ZFR2: variants seen among roughly 807,000 people sequenced by gnomAD.
ZFR2 encodes zinc finger RNA-binding protein 2.
ZFR2 carries 104 observed loss-of-function variants against 105.7 expected under a neutral mutation model. The observed-to-expected ratio is 0.98, with a 90% CI of 0.84 to 1.16. The LOEUF is 1.16. Ranked by LOEUF, ZFR2 falls within the 50% of genes most tolerant of loss-of-function variation. ZFR2 has a pLI of 0.00. For synonymous variants in ZFR2, 634 were observed against 597.7 expected, an observed-to-expected ratio of 1.06 and a Z score of -0.89; for missense variants, 1,425 against 1,355.5, an observed-to-expected ratio of 1.05 and a Z score of -0.80.
At position 3,867,183 on chromosome 19, in the gene ZFR2, T is replaced by C. The variant is rs2038440934; in HGVS notation, c.53+1782A>G. Among the ~76,000 whole-genome samples, 4 of 152,162 alleles carry C rather than the reference T, an allele frequency of 2.6e-5. No individual in the cohort carries two copies. In the Middle Eastern group the frequency reaches 0.014, roughly 518 times the overall value. On this transcript the variant is annotated intron_variant, in intron 1 of 18. Transcript: ENST00000262961. The stretch of plus-strand genomic sequence containing the variant: ...CCTGAGCTCAGCAGAGGCCCCTCTA[T>C]GAGGTGCCCAAGGGGTGGTTTGTAT...
At chr19:3,825,686 C>T (rs1020825678) in intron 6 of ZFR2, among the ~76,000 whole-genome samples, 1 of 152,178 alleles carries the variant, frequency 6.6e-6, no homozygotes, top group Non-Finnish European at 1.5e-5. Flanking sequence ...CACGGACGCT[C>T]TTCCTCCTCC....
chr19:3,816,585 T>A (rs2037826578), intron 13 of ZFR2, 89 bp downstream of exon 13: 1 of 1,477,646 alleles, frequency 6.8e-7, no homozygotes, highest in East Asian at 2.4e-5. Context: ...GTAACAAAGG[T>A]CCCCTGCCAT....
chr19:3,808,780 G>A, intron 17 of ZFR2, 92 bp downstream of exon 17: 2 of 1,078,176 alleles, frequency 1.9e-6, no homozygotes, highest in Non-Finnish European at 2.6e-6. Flanking sequence ...CTTCCTCTGT[G>A]TCTGTGACCC....
chr19:3,806,660 C>T (rs540757215), intron 18 of ZFR2, among the ~76,000 whole-genome samples: 4 of 152,320 alleles, frequency 2.6e-5, no homozygotes, highest in East Asian at 1.9e-4. Context: ...GAGGCCCCCC[C>T]GCTCCACTGA....
Position 3,825,421 on chromosome 19 carries a change from A to C in ZFR2, c.1036-14T>G, listed in dbSNP as rs538619475. 1.9e-6 allele frequency: 3 copies of C among 1,559,324 alleles called. No individual in the cohort carries two copies. Among genetic ancestry groups the C allele is most frequent in the African/African-American group, 2.7e-5 (2 of 73,076 alleles). ...CAGCTTGAAGACCTGCAACAGACAG[A>C]GCCGGGCTCCCGCGTGAGGGCCGCT... On this transcript the variant is annotated splice_polypyrimidine_tract_variant and intron_variant, in intron 6 of 18. Coordinates refer to ENST00000262961, the MANE Select transcript of ZFR2 (RefSeq NM_015174.2).
chr19:3,827,392 G>A, intron 6 of ZFR2, 79 bp downstream of exon 6: 1 of 1,425,950 alleles, frequency 7.0e-7, no homozygotes, highest in Admixed American at 2.9e-5. Flanking sequence ...GATCTCCCCA[G>A]GTACCTCTGT....
intron 1 of ZFR2, among the ~76,000 whole-genome samples, chr19:3,847,276 C>T (rs114476027): frequency 0.025 from 3,732 of 152,312 alleles, 148 homozygotes; most frequent in African/African-American, 0.085. Context: ...GTAATCCCAA[C>T]TACTCGGGAG....
chr19:3,834,810 T>C lies in ZFR2; in HGVS notation c.227A>G (p.Glu76Gly). The part of the protein sequence containing the change: ...QDFAYGSRPQ[E>G]PVPTATTMAT... ...CATGGTGGTGGCCGTGGGGACGGGC[T>C]CCTGGGGTCGGCTGCCGTAGGCGAA... Residue 76 changes from glutamate to glycine, a missense_variant, in exon 2 of 19, where the codon GAG becomes GGG. Physicochemically the swap from Glu to Gly is moderately conservative, Grantham distance 98 (BLOSUM62 -2). Transcript: ENST00000262961. This position sits in a 1 kb window ranked among gnomAD's most constrained non-coding sequence, Gnocchi z 5.3. The C allele has an allele frequency of 6.2e-7, 1 of 1,612,376 alleles. No homozygotes were observed. The highest frequency in any genetic ancestry group is 2.2e-5 in the East Asian group (1 of 44,854).
At chr19:3,821,992 G>T in intron 9 of ZFR2, 89 bp downstream of exon 9, 1 of 1,477,628 alleles carries the variant, frequency 6.8e-7, no homozygotes, top group Non-Finnish European at 9.0e-7. Flanking sequence ...GATCACACGC[G>T]CGGAAGAGGC....
At chr19:3,859,851 A>G (rs1599257426) in intron 1 of ZFR2, among the ~76,000 whole-genome samples, 2 of 152,138 alleles carry the variant, frequency 1.3e-5, no homozygotes, top group African/African-American at 4.8e-5. Context: ...CATCTTACAC[A>G]TTCATACCCG....
intron 1 of ZFR2, among the ~76,000 whole-genome samples, chr19:3,864,227 T>C (rs2038405428): frequency 1.3e-5 from 2 of 151,716 alleles, no homozygotes; most frequent in Admixed American, 6.6e-5. Flanking sequence ...CAAAAATAAA[T>C]ATCGCCAGGC....
intron 5 of ZFR2, among the ~76,000 whole-genome samples, chr19:3,828,207 T>C (rs1382249895): frequency 1.5e-5 from 2 of 137,908 alleles, no homozygotes; most frequent in Non-Finnish European, 1.6e-5. Context: ...TGCAGTGGCG[T>C]GATCTCAGCT....
chr19:3,840,933 C>T (rs187138643), intron 1 of ZFR2, among the ~76,000 whole-genome samples: 85 of 152,212 alleles, frequency 5.6e-4, no homozygotes, highest in African/African-American at 1.8e-3. Context: ...TGGTGGTGAC[C>T]GGGGGCCAGC....
intron 12 of ZFR2, among the ~76,000 whole-genome samples, chr19:3,817,787 G>A (rs2037842774): frequency 6.6e-6 from 1 of 151,010 alleles, no homozygotes; most frequent in African/African-American, 2.4e-5. Context: ...AAAAGGAGAG[G>A]GCAGCTTCCT....
chr19:3,867,305 G>GGGGA (rs1555762884), intron 1 of ZFR2, among the ~76,000 whole-genome samples: 8 of 10,236 alleles, frequency 7.8e-4, no homozygotes, highest in African/African-American at 6.3e-3. Context: ...ATCAACTGTT[G>GGGGA]GGGGGGGAAT....
At position 3,833,659 on chromosome 19, in the gene ZFR2, C is replaced by T. The variant is rs893678092; in HGVS notation, c.379+5G>A. The T allele has an allele frequency of 1.3e-6, 2 of 1,552,274 alleles. No homozygotes were observed. The highest frequency in any genetic ancestry group is 1.7e-6 in the Non-Finnish European group (2 of 1,147,938). On this transcript the variant is annotated splice_donor_5th_base_variant and intron_variant, in intron 3 of 18. Coordinates refer to ENST00000262961, the MANE Select transcript of ZFR2 (RefSeq NM_015174.2). ...TTCCCAGCCCCGACCCTGCAGATGG[C>T]TCACCTGGCTGGCCGGAGTCTGCGG...
rs994495868 is a variant in ZFR2 at position 3,822,313 on chromosome 19, G to C, written c.1372-113C>G. The C allele has an allele frequency of 4.7e-6, 7 of 1,476,420 alleles. 1 individual carries two copies. The highest frequency in any genetic ancestry group is 6.4e-6 in the Non-Finnish European group (7 of 1,098,060). The allele number at this position is 1,476,420 out of a possible 1,614,324, so 91.5% of individuals were successfully genotyped here. ...CCTCCTTGCTGCTCATTTTATTTAT[G>C]TATGTCTTTTTAGAGACAGCGTCTT... On this transcript the variant is annotated intron_variant, in intron 8 of 18. Coordinates refer to ENST00000262961, the MANE Select transcript of ZFR2 (RefSeq NM_015174.2).
In ZFR2 at chr19:3,813,652, G is replaced by A. The variant is rs1268967102; in HGVS notation, c.2242+168C>T. Among the ~76,000 whole-genome samples, 1 of 152,192 alleles carries A rather than the reference G, an allele frequency of 6.6e-6. No individual in the cohort carries two copies. Among genetic ancestry groups the A allele is most frequent in the Non-Finnish European group, 1.5e-5 (1 of 68,036 alleles). The stretch of plus-strand genomic sequence containing the variant: ...GCCGCCTCTGCTGCCCGGAGACCCA[G>A]CTCTTGTGTGACCCATGGAATCCTC... On this transcript the variant is annotated intron_variant, in intron 14 of 18. Coordinates refer to ENST00000262961, the MANE Select transcript of ZFR2 (RefSeq NM_015174.2). This position sits in a 1 kb window ranked among gnomAD's most constrained non-coding sequence, Gnocchi z 4.4.
intron 1 of ZFR2, among the ~76,000 whole-genome samples, chr19:3,839,773 CT>C: frequency 6.6e-6 from 1 of 152,122 alleles, no homozygotes; most frequent in Admixed American, 6.6e-5. Context: ...GATCCTATTC[CT>C]TTTTCTTCCT....
Sources: allele counts gnomAD v4.1 joint callset (sites outside exome capture counted in the v4.1 genomes callset), GRCh38; gene constraint gnomAD v4.1.1; non-coding constraint Gnocchi (gnomAD v3.1); transcripts MANE v1.5; gene names NCBI Gene and HGNC (gene_info 2026-07-23, HGNC 2026-07-21).